The following SLC13A3 variants were observed in gnomAD, a reference collection of about 807,000 sequenced individuals.
SLC13A3 encodes solute carrier family 13 member 3, also known as Na(+)/dicarboxylate cotransporter 3.
A neutral mutation model predicts 59.0 loss-of-function variants in SLC13A3; 40 were observed. The ratio of observed to expected loss-of-function variants is 0.68; its 90% CI spans 0.53 to 0.88. The LOEUF is 0.88. SLC13A3 is among the 40% of genes least tolerant of loss of function. The pLI is 0.00. For synonymous variants in SLC13A3, 317 were observed against 330.3 expected (o/e 0.96, Z 0.44); for missense variants, 699 against 783.2 (o/e 0.89, Z 1.28).
chr20:46,628,153 A>G (rs1270222099), intron 1 of SLC13A3, among the ~76,000 whole-genome samples: 1 of 152,226 alleles, frequency 6.6e-6, no homozygotes, highest in Non-Finnish European at 1.5e-5. Flanking sequence ...AGATTCAGGT[A>G]GGAAGGAGTG....
chr20:46,676,411 C>CTTTTTTT (rs543970617), intron 1 of SLC13A3, among the ~76,000 whole-genome samples: 1 of 108,482 alleles, frequency 9.2e-6, no homozygotes, highest in East Asian at 2.9e-4. Flanking sequence ...TCTCTCAACT[C>CTTTTTTT]TTTTTTTTTT....
chr20:46,608,965 A>G, intron 3 of SLC13A3: 1 of 1,550,858 alleles, frequency 6.4e-7, no homozygotes, highest in Non-Finnish European at 8.7e-7. Context: ...CTCATATTCC[A>G]TTGACCAGAC....
chr20:46,572,837 TG>T (rs1233666836), intron 10 of SLC13A3, among the ~76,000 whole-genome samples: 1 of 152,178 alleles, frequency 6.6e-6, no homozygotes, highest in Non-Finnish European at 1.5e-5. Flanking sequence ...ACCTAAGAAG[TG>T]GGAAATCTGT....
chr20:46,563,126 C>G (rs536229613), intron 12 of SLC13A3, among the ~76,000 whole-genome samples: 41 of 152,280 alleles, frequency 2.7e-4, no homozygotes, highest in Admixed American at 1.8e-3. Context: ...CTGCTTCTCT[C>G]CCCCGAAGAT....
At chr20:46,650,182 G>A (rs777973618) in intron 1 of SLC13A3, among the ~76,000 whole-genome samples, 4 of 152,110 alleles carry the variant, frequency 2.6e-5, no homozygotes, top group Non-Finnish European at 5.9e-5. Context: ...CCCCACTAGT[G>A]TTGATTTCAG....
intron 3 of SLC13A3, among the ~76,000 whole-genome samples, chr20:46,603,082 G>A (rs192277463): frequency 3.4e-4 from 52 of 152,132 alleles, no homozygotes; most frequent in Non-Finnish European, 6.5e-4. Flanking sequence ...GGAGGCTGAG[G>A]CAGGAGAATT....
intron 1 of SLC13A3, among the ~76,000 whole-genome samples, chr20:46,657,861 C>G (rs983106917): frequency 6.6e-6 from 1 of 152,106 alleles, no homozygotes; most frequent in East Asian, 1.9e-4. Context: ...TTTTAAACAA[C>G]CAGATTTCCT....
chr20:46,645,527 C>A (rs1480983279), intron 1 of SLC13A3, among the ~76,000 whole-genome samples: 1 of 152,222 alleles, frequency 6.6e-6, no homozygotes. Flanking sequence ...CGCTTCCAGG[C>A]TATGGGTCCA....
At chr20:46,639,463 A>G (rs2062825944) in intron 1 of SLC13A3, among the ~76,000 whole-genome samples, 2 of 152,138 alleles carry the variant, frequency 1.3e-5, no homozygotes, top group African/African-American at 4.8e-5. Context: ...TGTCTCAGAA[A>G]AAAACCAAAA....
chr20:46,563,117 T>G (rs1481270642), intron 12 of SLC13A3, among the ~76,000 whole-genome samples: 2 of 152,152 alleles, frequency 1.3e-5, no homozygotes, highest in Admixed American at 1.3e-4. Flanking sequence ...GTGTGTCTGC[T>G]GCTTCTCTCC....
At chr20:46,652,929 A>G (rs1450768636), upstream of SLC13A3, among the ~76,000 whole-genome samples, 1 of 152,094 alleles carries the variant, frequency 6.6e-6, no homozygotes. Context: ...GTCACTGTTT[A>G]TTTTATTTTA....
chr20:46,566,193 G>T (rs769295395), intron 11 of SLC13A3, 36 bp downstream of exon 11: 7 of 1,579,770 alleles, frequency 4.4e-6, no homozygotes, highest in African/African-American at 1.3e-5. Context: ...TGTGTTGGGG[G>T]AGGGGTGCTC....
At chr20:46,584,849 T>TA (rs552586567) in intron 8 of SLC13A3, among the ~76,000 whole-genome samples, 8 of 151,316 alleles carry the variant, frequency 5.3e-5, no homozygotes, top group East Asian at 1.9e-4. Context: ...CTGATAAGAG[T>TA]AAAAAAAAAT....
chr20:46,632,890 T>C (rs1035600539), intron 1 of SLC13A3, among the ~76,000 whole-genome samples: 4 of 39,258 alleles, frequency 1.0e-4, no homozygotes, highest in Non-Finnish European at 1.5e-4. Context: ...GATAGATAGA[T>C]AGATAGATAG....
At chr20:46,563,593 C>T (rs756401776) in intron 11 of SLC13A3, 42 bp from the exon 12 acceptor site, 4 of 1,581,872 alleles carry the variant, frequency 2.5e-6, no homozygotes, top group Non-Finnish European at 2.6e-6. Context: ...GAGAGACCAA[C>T]GCAGAGCGAC....
chr20:46,665,129 G>C (rs2063054913), intron 1 of SLC13A3, among the ~76,000 whole-genome samples: 1 of 152,068 alleles, frequency 6.6e-6, no homozygotes, highest in Non-Finnish European at 1.5e-5. Context: ...AGCCAAGCAT[G>C]GTGGTGTGTG....
chr20:46,572,310 C>T (rs1240613744), intron 10 of SLC13A3, among the ~76,000 whole-genome samples: 1 of 152,046 alleles, frequency 6.6e-6, no homozygotes, highest in African/African-American at 2.4e-5. Flanking sequence ...GGCCAGGCTG[C>T]GGCTGCCTGG....
chr20:46,658,236 A>G (rs540577099), intron 1 of SLC13A3, among the ~76,000 whole-genome samples: 1 of 152,320 alleles, frequency 6.6e-6, no homozygotes, highest in South Asian at 2.1e-4. Context: ...GCTATATGAA[A>G]GAAGCTGAAC....
At position 46,590,325 on chromosome 20, in the gene SLC13A3, G is replaced by T. The variant is rs192702842; in HGVS notation, c.921-1070C>A. Among the ~76,000 whole-genome samples, 79 of 151,442 alleles carry T rather than the reference G, an allele frequency of 5.2e-4. 1 individual carries two copies. Among genetic ancestry groups the T allele is most frequent in the Admixed American group, 4.7e-3 (71 of 15,210 alleles). ...AAATTTCAGAAACCATATGAGAAAA[G>T]ATTGAAAAAAAAATTAAAACAATTC... On this transcript the variant is annotated intron_variant, in intron 6 of 12. Coordinates refer to ENST00000279027, the MANE Select transcript of SLC13A3 (RefSeq NM_022829.6).
Sources: gnomAD v4.1 joint callset for allele counts (sites outside exome capture counted in the v4.1 genomes callset) on GRCh38, gnomAD v4.1.1 for gene constraint, MANE v1.5 for transcripts, NCBI Gene and HGNC (gene_info 2026-07-23, HGNC 2026-07-21) for gene names.